The following TLL1 variants were observed in gnomAD, a reference collection of about 807,000 sequenced individuals.
TLL1 encodes tolloid like 1.
Under a neutral mutation model 128.2 loss-of-function variants are expected in TLL1, and 49 were observed. That is an observed-to-expected ratio of 0.38 (90% confidence interval 0.30 to 0.48). TLL1 has a LOEUF of 0.48. Among genes scored for constraint, TLL1 ranks in the 20% least tolerant of loss-of-function variants. TLL1 has a pLI of 0.96. For synonymous variants in TLL1, 454 were observed against 418.8 expected, an observed-to-expected ratio of 1.08 and a Z score of -1.03; for missense variants, 1,123 against 1,242.0, an observed-to-expected ratio of 0.90 and a Z score of 1.44.
At position 166,043,385 on chromosome 4, in the gene TLL1, G is replaced by T; in HGVS notation, c.1490G>T (p.Ser497Ile). The T allele has an allele frequency of 1.2e-6, 2 of 1,614,136 alleles. No individual in the cohort carries two copies. Among genetic ancestry groups the T allele is most frequent in the Non-Finnish European group, 1.7e-6 (2 of 1,179,980 alleles). Reference sequence around the variant, plus strand: ...GTGTGGAAAATAACAGTGTCTGAGAGCTACCACGTCGGGCTGACCTTTCAG... The same window carrying T: ...GTGTGGAAAATAACAGTGTCTGAGATCTACCACGTCGGGCTGACCTTTCAG... ...ECVWKITVSE[S>I]YHVGLTFQSF... Residue 497 changes from serine (S) to isoleucine (I), a missense_variant, in exon 12 of 21, where the codon AGC becomes ATC. Around this residue, in one of 3 missense-constraint regions of TLL1, gnomAD observed 634 missense variants for 672.4 expected, o/e 0.94. Transcript: ENST00000061240.
intron 9 of TLL1, among the ~76,000 whole-genome samples, chr4:166,038,294 T>C (rs1426632188): frequency 2.6e-5 from 4 of 152,134 alleles, no homozygotes; most frequent in Non-Finnish European, 2.9e-5. Flanking sequence ...CATTCAGCCT[T>C]TTGTATTTTC....
At chr4:165,936,209 T>A (rs888000426) in intron 1 of TLL1, among the ~76,000 whole-genome samples, 100 of 148,498 alleles carry the variant, frequency 6.7e-4, no homozygotes, top group Non-Finnish European at 1.2e-3. Context: ...TATATATATT[T>A]TTTTTTCTTT....
intron 1 of TLL1, among the ~76,000 whole-genome samples, chr4:165,917,310 C>A (rs1732826433): frequency 6.6e-6 from 1 of 152,102 alleles, no homozygotes; most frequent in Admixed American, 6.6e-5. Context: ...TGTTCTAGAA[C>A]ACTTACAGGG....
intron 7 of TLL1, among the ~76,000 whole-genome samples, chr4:166,014,023 G>A (rs974936989): frequency 1.3e-5 from 2 of 151,522 alleles, no homozygotes; most frequent in African/African-American, 4.8e-5. Flanking sequence ...AACAATTTTA[G>A]TAACTTCAAC....
In TLL1 at chr4:166,074,946, A is replaced by G. The variant is rs769521268; in HGVS notation, c.2257A>G (p.Met753Val). The G allele has an allele frequency of 5.6e-6, 9 of 1,613,702 alleles. No individual in the cohort carries two copies. Among genetic ancestry groups the G allele is most frequent in the Non-Finnish European group, 7.6e-6 (9 of 1,179,686 alleles). ...ATGTGTCAACACGATGGGGAGCTAC[A>G]TGTGTCAATGCCGTAATGGATTTGT... is the stretch of plus-strand genomic sequence containing the variant. ...HECVNTMGSYMCQCRNGFVLH... is the reference protein window; with the variant it reads ...HECVNTMGSYVCQCRNGFVLH... The change falls in exon 17 of 21, where the codon ATG becomes GTG. Residue 753 changes from methionine to valine, a missense_variant. Physicochemically the swap from Met to Val is conservative, Grantham distance 21. Coordinates refer to ENST00000061240, the MANE Select transcript of TLL1 (RefSeq NM_012464.5).
intron 1 of TLL1, among the ~76,000 whole-genome samples, chr4:165,923,024 C>CA (rs1223049628): frequency 6.6e-6 from 1 of 152,078 alleles, no homozygotes; most frequent in Non-Finnish European, 1.5e-5. Flanking sequence ...GGAAACATTA[C>CA]AAAAAAAGTG....
At position 165,977,372 on chromosome 4, in the gene TLL1, G is replaced by A. The variant is rs572715031; in HGVS notation, c.170-12009G>A. ...CACACACTCTCTCGCCTGCCTCCAT[G>A]TAAGATGTGCTTGCTTTCCCTTCTA... On this transcript the variant is annotated intron_variant, in intron 1 of 20. Coordinates refer to ENST00000061240, the MANE Select transcript of TLL1 (RefSeq NM_012464.5). Among the ~76,000 whole-genome samples, 16 of 152,284 alleles carry A rather than the reference G, an allele frequency of 1.1e-4. No homozygotes were observed. The South Asian group carries it at 3.3e-3, about 32-fold the overall frequency.
At chr4:166,052,731 TC>T (rs1739801872) in intron 12 of TLL1, among the ~76,000 whole-genome samples, 2 of 152,080 alleles carry the variant, frequency 1.3e-5, no homozygotes, top group African/African-American at 4.8e-5. Context: ...AGCAGTTCAT[TC>T]TGTGCTGCTT....
intron 1 of TLL1, among the ~76,000 whole-genome samples, chr4:165,888,557 T>TC (rs1468240256): frequency 1.3e-5 from 2 of 152,048 alleles, no homozygotes; most frequent in Non-Finnish European, 2.9e-5. Context: ...GGAAAATATT[T>TC]TTTTTTTTTG....
intron 8 of TLL1, among the ~76,000 whole-genome samples, chr4:166,020,893 C>CAT (rs1296666660): frequency 6.6e-6 from 1 of 152,140 alleles, no homozygotes; most frequent in Non-Finnish European, 1.5e-5. Flanking sequence ...CCCACAGGAA[C>CAT]ATATGTACAA....
chr4:165,938,086 T>C (rs972954995), intron 1 of TLL1, among the ~76,000 whole-genome samples: 1 of 152,028 alleles, frequency 6.6e-6, no homozygotes, highest in African/African-American at 2.4e-5. Flanking sequence ...CATGTGCTCT[T>C]TGGATACACA....
chr4:166,063,950 C>G (rs1012643020), intron 15 of TLL1, among the ~76,000 whole-genome samples: 3 of 151,020 alleles, frequency 2.0e-5, no homozygotes, highest in African/African-American at 7.3e-5. Flanking sequence ...ACGTATGTAA[C>G]AAACTTCACG....
Position 165,992,620 on chromosome 4 carries a change from G to T in TLL1, c.281-184G>T, listed in dbSNP as rs74891461. 8.8e-3 allele frequency among the ~76,000 whole-genome samples: 1,338 copies of T among 152,102 alleles called. 29 individuals carry two copies. The highest frequency in any genetic ancestry group is 0.03 in the African/African-American group (1,251 of 41,522). On this transcript the variant is annotated intron_variant, in intron 2 of 20. Transcript: ENST00000061240. ...TGAGTCTCCCCATCCCCTTATTTTAGTTACCAACATTGGTTGCTGTAGAGT... is the reference window on the plus strand; with the variant it reads ...TGAGTCTCCCCATCCCCTTATTTTATTTACCAACATTGGTTGCTGTAGAGT...
intron 8 of TLL1, among the ~76,000 whole-genome samples, chr4:166,020,238 A>G (rs1738157936): frequency 1.3e-5 from 2 of 152,200 alleles, no homozygotes; most frequent in Non-Finnish European, 2.9e-5. Flanking sequence ...CTTTGTCTTT[A>G]TGATGGTTTC....
intron 1 of TLL1, among the ~76,000 whole-genome samples, chr4:165,898,106 T>G (rs565919601): frequency 6.6e-6 from 1 of 152,222 alleles, no homozygotes; most frequent in Non-Finnish European, 1.5e-5. Flanking sequence ...CTGAAGTTGC[T>G]TATCAGCTTA....
chr4:166,032,596 C>A (rs1297029691), intron 9 of TLL1, among the ~76,000 whole-genome samples: 4 of 151,938 alleles, frequency 2.6e-5, no homozygotes, highest in African/African-American at 9.7e-5. Context: ...AATGGATTTT[C>A]TCAGTAAATA....
At chr4:166,074,770 A>G in intron 16 of TLL1, 108 bp from the exon 17 acceptor site, 1 of 1,366,942 alleles carries the variant, frequency 7.3e-7, no homozygotes, top group Non-Finnish European at 1.0e-6. Context: ...AGGAGAAACC[A>G]TGACTTAGTT....
At chr4:166,033,451 G>C (rs1021901932) in intron 9 of TLL1, among the ~76,000 whole-genome samples, 2 of 152,120 alleles carry the variant, frequency 1.3e-5, no homozygotes, top group African/African-American at 2.4e-5. Flanking sequence ...ATTTCTACCT[G>C]CTGAGTTTGC....
At position 166,102,593 on chromosome 4, in the gene TLL1, A is replaced by G. The variant is rs901022920; in HGVS notation, c.*1717A>G. 3 of 152,226 alleles carry G rather than the reference A, an allele frequency of 2.0e-5. No individual in the cohort carries two copies. The highest frequency in any genetic ancestry group is 7.2e-5 in the African/African-American group (3 of 41,428). 9.4% of individuals were successfully genotyped at this position (152,226 alleles called of 1,614,324 possible). A position where few individuals can be genotyped will look rare whatever the true frequency, so the allele number is the denominator to read the frequency against. On this transcript the variant is annotated 3_prime_UTR_variant, in exon 21 of 21. Coordinates refer to ENST00000061240, the MANE Select transcript of TLL1 (RefSeq NM_012464.5). ...TTTTGATGTCAATATAGATTACTGT[A>G]TGAAGTAGCTTTGTGTCTGTTACCT...
Sources: allele counts gnomAD v4.1 joint callset (sites outside exome capture counted in the v4.1 genomes callset), GRCh38; gene constraint gnomAD v4.1.1; regional missense constraint gnomAD v4.1.1; transcripts MANE v1.5; gene names NCBI Gene and HGNC (gene_info 2026-07-23, HGNC 2026-07-21).